SORBS2: variants seen among roughly 807,000 people sequenced by gnomAD.
The protein encoded by SORBS2 is sorbin and SH3 domain containing 2, also known as sorbin and SH3 domain-containing protein 2.
SORBS2 carries 46 observed loss-of-function variants against 97.7 expected under a neutral mutation model. That is an observed-to-expected ratio of 0.47 (90% confidence interval 0.37 to 0.60). The LOEUF is 0.60. Among genes scored for constraint, SORBS2 ranks in the 20% least tolerant of loss-of-function variants. The pLI is 0.00. For missense variants in SORBS2, 1,316 were observed against 1,282.3 expected (o/e 1.03, Z -0.40); for synonymous variants, 476 against 473.4 (o/e 1.01, Z -0.07).
chr4:185,792,517 A>AAGAG (rs1284539343), intron 1 of SORBS2, among the ~76,000 whole-genome samples: 1 of 151,366 alleles, frequency 6.6e-6, no homozygotes, highest in Non-Finnish European at 1.5e-5. Flanking sequence ...GAAAAGAAAG[A>AAGAG]AGAGAGAGAG....
chr4:185,909,337 G>A (rs1303907603), intron 1 of SORBS2, among the ~76,000 whole-genome samples: 1 of 152,174 alleles, frequency 6.6e-6, no homozygotes, highest in African/African-American at 2.4e-5. Flanking sequence ...GCTAAATAAT[G>A]TGTAAGCATA....
intron 2 of SORBS2, chr4:185,771,767 A>T (rs2098972982): frequency 6.6e-6 from 1 of 152,204 alleles, no homozygotes; most frequent in Admixed American, 6.5e-5. Context: ...GTGAGGCCAC[A>T]CATTCATTTT....
At chr4:185,868,835 T>C (rs758622243) in intron 1 of SORBS2, among the ~76,000 whole-genome samples, 2 of 152,212 alleles carry the variant, frequency 1.3e-5, no homozygotes, top group Non-Finnish European at 2.9e-5. Context: ...TCTCAGGCAG[T>C]GGTTGGACAC....
At chr4:185,676,248 T>A (rs2097787179) in intron 4 of SORBS2, among the ~76,000 whole-genome samples, 1 of 152,216 alleles carries the variant, frequency 6.6e-6, no homozygotes, top group Non-Finnish European at 1.5e-5. Context: ...TTTAGATGAA[T>A]GTCTCATCAC....
intron 2 of SORBS2, among the ~76,000 whole-genome samples, chr4:185,715,107 T>C (rs2098455345): frequency 6.6e-6 from 1 of 152,242 alleles, no homozygotes; most frequent in Non-Finnish European, 1.5e-5. Flanking sequence ...TGAATTTGTT[T>C]GCAAAGAATA....
chr4:185,759,907 G>A (rs1001842280), intron 2 of SORBS2, among the ~76,000 whole-genome samples: 1 of 152,078 alleles, frequency 6.6e-6, no homozygotes, highest in African/African-American at 2.4e-5. Context: ...CTAAGCCAAC[G>A]TTAGCAATCC....
At position 185,762,915 on chromosome 4, in the gene SORBS2, G is replaced by C. The variant is rs11735040; in HGVS notation, c.-198+12312C>G. 9.6e-4 allele frequency among the ~76,000 whole-genome samples: 146 copies of C among 152,140 alleles called. 1 individual carries two copies. The highest frequency in any genetic ancestry group is 3.4e-3 in the Middle Eastern group (1 of 294). On this transcript the variant is annotated intron_variant, in intron 2 of 20. Transcript: ENST00000284776. ...TAAGAAAAACCAGGTGAGGTCGGGC[G>C]TGGTGGCTTATGCCTGTAATCCCAG...
At chr4:185,628,330 G>GAAAAA (rs35791068) in intron 5 of SORBS2, among the ~76,000 whole-genome samples, 2 of 144,076 alleles carry the variant, frequency 1.4e-5, no homozygotes, top group Non-Finnish European at 1.5e-5. Context: ...GGAAATAACT[G>GAAAAA]AAAAAAAAAA....
At position 185,754,772 on chromosome 4, in the gene SORBS2, G is replaced by A. The variant is rs754263819; in HGVS notation, c.-198+20455C>T. On this transcript the variant is annotated intron_variant, in intron 2 of 20. Coordinates refer to the SORBS2 transcript ENST00000284776. Reference sequence around the variant, plus strand: ...AGCTATTACTCCACCATACCATGGGGTCTCACAGTCCTTCACATCCCCTGA... The same window carrying A: ...AGCTATTACTCCACCATACCATGGGATCTCACAGTCCTTCACATCCCCTGA... Among the ~76,000 whole-genome samples the A allele has an allele frequency of 4.6e-5, 7 of 152,308 alleles. No individual in the cohort carries two copies. In the South Asian group the frequency reaches 6.2e-4, roughly 14 times the overall value.
chr4:185,918,744 C>G (rs2099259539), intron 1 of SORBS2, among the ~76,000 whole-genome samples: 1 of 152,210 alleles, frequency 6.6e-6, no homozygotes, highest in African/African-American at 2.4e-5. Flanking sequence ...CGAAAATAGT[C>G]TCATTATTAA....
chr4:185,874,599 G>T (rs1216143099), intron 1 of SORBS2, among the ~76,000 whole-genome samples: 2 of 152,172 alleles, frequency 1.3e-5, no homozygotes, highest in Non-Finnish European at 2.9e-5. Flanking sequence ...TTAGGGCCAA[G>T]GCGTTTTCTA....
At chr4:185,593,443 C>G (rs1190063658) in intron 13 of SORBS2, 1 of 160,106 alleles carries the variant, frequency 6.2e-6, no homozygotes, top group African/African-American at 2.4e-5. Context: ...TCAAATGACC[C>G]TTCTAAGCAT....
At chr4:185,662,055 C>T (rs1487497804) in intron 5 of SORBS2, 49 bp downstream of exon 8, 2 of 1,605,548 alleles carry the variant, frequency 1.2e-6, no homozygotes, top group Non-Finnish European at 1.7e-6. Context: ...TGTGGTTGTA[C>T]TTGCCGCATT....
chr4:185,642,777 G>A (rs1377841150), intron 4 of SORBS2, among the ~76,000 whole-genome samples: 1 of 152,208 alleles, frequency 6.6e-6, no homozygotes, highest in East Asian at 1.9e-4. Flanking sequence ...TGTTCAAACA[G>A]TACTACCCCC....
chr4:185,792,612 A>G (rs1458149253), intron 1 of SORBS2, among the ~76,000 whole-genome samples: 2 of 152,148 alleles, frequency 1.3e-5, no homozygotes, highest in Non-Finnish European at 2.9e-5. Context: ...AGAGAAGAAA[A>G]TAAATCTTCA....
chr4:185,691,354 C>T (rs1359027034), intron 2 of SORBS2, among the ~76,000 whole-genome samples: 1 of 152,166 alleles, frequency 6.6e-6, no homozygotes, highest in Admixed American at 6.5e-5. Context: ...TGTGAACTAC[C>T]GTGCCTGGTT....
Position 185,606,025 on chromosome 4 carries a change from T to C in SORBS2, c.2796+5755A>G, listed in dbSNP as rs891743451. The stretch of plus-strand genomic sequence containing the variant: ...GTCAACACAAAGAGAACGACCTCTT[T>C]AGAAAATCGAAAGGGGACAGAAGTG... On this transcript the variant is annotated intron_variant, in intron 12 of 14. Transcript: ENST00000418609. This position sits in a 1 kb window ranked among gnomAD's most constrained non-coding sequence, Gnocchi z 4.3. 34 of 909,062 alleles carry C rather than the reference T, an allele frequency of 3.7e-5. No homozygotes were observed. Among genetic ancestry groups the C allele is most frequent in the Non-Finnish European group, 4.5e-5 (34 of 760,500 alleles). The allele number at this position is 909,062 out of a possible 1,614,324, so 56.3% of individuals were successfully genotyped here.
At chr4:185,815,410 CAT>C (rs1209538370) in intron 1 of SORBS2, among the ~76,000 whole-genome samples, 1 of 152,006 alleles carries the variant, frequency 6.6e-6, no homozygotes, top group African/African-American at 2.4e-5. Flanking sequence ...TATCCACTAA[CAT>C]ATAAAGGGAA....
In SORBS2 at chr4:185,622,904, G is replaced by T. The variant is rs1203748571; in HGVS notation, c.2215+10C>A. 3 of 1,573,160 alleles carry T rather than the reference G, an allele frequency of 1.9e-6. No homozygotes were observed. Among genetic ancestry groups the T allele is most frequent in the Admixed American group, 3.8e-5 (2 of 52,924 alleles). On this transcript the variant is annotated intron_variant, in intron 7 of 14. Transcript: ENST00000418609. The stretch of plus-strand genomic sequence containing the variant: ...GAACCACAAGGAAAAAGAAAGAAAA[G>T]CTCATCCACCTTGGAGTGCACCGCC...
Sources: gnomAD v4.1 joint callset for allele counts (sites outside exome capture counted in the v4.1 genomes callset) on GRCh38, gnomAD v4.1.1 for gene constraint, Gnocchi (gnomAD v3.1) non-coding constraint, MANE v1.5 for transcripts, NCBI Gene and HGNC (gene_info 2026-07-23, HGNC 2026-07-21) for gene names.